ADARB2: variants seen among roughly 807,000 people sequenced by gnomAD.
ADARB2 encodes the protein inactive double-stranded RNA-specific editase B2.
A neutral mutation model predicts 62.2 loss-of-function variants in ADARB2; 25 were observed. That is an observed-to-expected ratio of 0.40 (90% confidence interval 0.29 to 0.56). ADARB2 has a LOEUF of 0.56. ADARB2 is among the 20% of genes least tolerant of loss of function. ADARB2 has a pLI of 0.43. For missense variants in ADARB2, 1,071 were observed against 1,077.4 expected, an observed-to-expected ratio of 0.99 and a Z score of 0.08; for synonymous variants, 572 against 500.8, an observed-to-expected ratio of 1.14 and a Z score of -1.90.
At chr10:1,436,489 A>T (rs771218985) in intron 1 of ADARB2, among the ~76,000 whole-genome samples, 3 of 152,200 alleles carry the variant, frequency 2.0e-5, no homozygotes, top group Non-Finnish European at 4.4e-5. Flanking sequence ...TAATGTTACC[A>T]TTGGAACTGG....
At chr10:1,527,321 C>T (rs902048136) in intron 1 of ADARB2, among the ~76,000 whole-genome samples, 1 of 152,172 alleles carries the variant, frequency 6.6e-6, no homozygotes, top group Admixed American at 6.5e-5. Flanking sequence ...ACATTCTCAT[C>T]CCCACATAGA....
intron 1 of ADARB2, among the ~76,000 whole-genome samples, chr10:1,715,698 AC>A (rs948613008): frequency 4.6e-5 from 7 of 152,332 alleles, no homozygotes; most frequent in African/African-American, 1.4e-4. Context: ...ATGCAAAAAA[AC>A]AAAAACAAAA....
chr10:1,323,706 A>G (rs994808421), intron 3 of ADARB2, among the ~76,000 whole-genome samples: 27 of 152,202 alleles, frequency 1.8e-4, no homozygotes, highest in African/African-American at 6.3e-4. Context: ...CTTAAAAAAA[A>G]AAGTAAACTG....
chr10:1,222,062 A>G (rs2131759561), intron 6 of ADARB2, among the ~76,000 whole-genome samples: 1 of 152,292 alleles, frequency 6.6e-6, no homozygotes, highest in East Asian at 1.9e-4. Context: ...ATTTCTCCAC[A>G]TCCTCTCCAG....
intron 1 of ADARB2, among the ~76,000 whole-genome samples, chr10:1,719,674 G>A (rs1473287625): frequency 2.6e-5 from 4 of 152,212 alleles, no homozygotes; most frequent in African/African-American, 9.6e-5. Flanking sequence ...GAATCTATAA[G>A]GAACCTAAAT....
chr10:1,696,886 T>C (rs549410073), intron 1 of ADARB2, among the ~76,000 whole-genome samples: 8 of 152,322 alleles, frequency 5.3e-5, no homozygotes, highest in African/African-American at 1.9e-4. Context: ...ACCTGCAGCC[T>C]ATGGGCCACA....
At chr10:1,310,865 T>C (rs546246006) in intron 3 of ADARB2, among the ~76,000 whole-genome samples, 1 of 152,206 alleles carries the variant, frequency 6.6e-6, no homozygotes, top group Non-Finnish European at 1.5e-5. Flanking sequence ...TAAAAATAAG[T>C]TGAGGTTAAA....
intron 1 of ADARB2, among the ~76,000 whole-genome samples, chr10:1,416,102 T>C (rs758746966): frequency 1.4e-4 from 21 of 152,238 alleles, no homozygotes; most frequent in Non-Finnish European, 2.8e-4. Flanking sequence ...TAAGTAGACA[T>C]TACTTCTTGT....
intron 1 of ADARB2, among the ~76,000 whole-genome samples, chr10:1,731,632 C>T (rs1287386880): frequency 6.6e-6 from 1 of 152,214 alleles, no homozygotes; most frequent in East Asian, 1.9e-4. Context: ...TAAGCAGCCT[C>T]TGTTTCTCTG....
chr10:1,557,628 G>T (rs185064345), intron 1 of ADARB2, among the ~76,000 whole-genome samples: 400 of 152,296 alleles, frequency 2.6e-3, no homozygotes, highest in Middle Eastern at 0.01. Context: ...TCCGGGCCGG[G>T]TGCAGTGGCT....
At chr10:1,574,888 G>A (rs1452897492) in intron 1 of ADARB2, among the ~76,000 whole-genome samples, 1 of 152,140 alleles carries the variant, frequency 6.6e-6, no homozygotes, top group Non-Finnish European at 1.5e-5. Context: ...AGAGTGGAGA[G>A]GAAAGAGGAT....
chr10:1,715,535 A>G (rs2119157166), intron 1 of ADARB2, among the ~76,000 whole-genome samples: 1 of 152,340 alleles, frequency 6.6e-6, no homozygotes, highest in Admixed American at 6.5e-5. Context: ...AAGCTTAAGT[A>G]TCCTGAAGCA....
At chr10:1,601,724 A>G (rs916016558) in intron 1 of ADARB2, among the ~76,000 whole-genome samples, 6 of 152,190 alleles carry the variant, frequency 3.9e-5, no homozygotes, top group African/African-American at 1.4e-4. Context: ...TGCTCCCCCG[A>G]AAGCCAGCAT....
At chr10:1,691,959 C>T (rs1588354308) in intron 1 of ADARB2, among the ~76,000 whole-genome samples, 1 of 152,108 alleles carries the variant, frequency 6.6e-6, no homozygotes, top group Non-Finnish European at 1.5e-5. Context: ...TAATGTCCAC[C>T]ATTTTAAAAA....
intron 1 of ADARB2, among the ~76,000 whole-genome samples, chr10:1,670,937 A>C (rs759673782): frequency 6.6e-6 from 1 of 152,232 alleles, no homozygotes; most frequent in Non-Finnish European, 1.5e-5. Flanking sequence ...CGCCACAGAC[A>C]AATGTGAATC....
In ADARB2 at chr10:1,736,853, G is replaced by A. The variant is rs117701408; in HGVS notation, c.100+198C>T. Among the ~76,000 whole-genome samples the A allele has an allele frequency of 1.2e-3, 184 of 152,296 alleles. 4 individuals carry two copies. In the East Asian group the frequency reaches 0.031, roughly 26 times the overall value. On this transcript the variant is annotated intron_variant, in intron 1 of 9. Coordinates refer to ENST00000381312, the MANE Select transcript of ADARB2 (RefSeq NM_018702.4). ...ACATGTCGCAGCGTGGCTGCTCACT[G>A]TCCCCTCTGGGCAAGAGGAGGCCCC...
intron 1 of ADARB2, among the ~76,000 whole-genome samples, chr10:1,577,008 G>A (rs1021425437): frequency 9.2e-5 from 14 of 152,180 alleles, no homozygotes; most frequent in Admixed American, 3.9e-4. Flanking sequence ...CTCAGCAGGT[G>A]CAGTGGTTGC....
chr10:1,645,247 G>A (rs189258442), intron 1 of ADARB2, among the ~76,000 whole-genome samples: 136 of 152,316 alleles, frequency 8.9e-4, no homozygotes, highest in Admixed American at 1.6e-3. Context: ...CATTGCTTAC[G>A]CATGCATGGC....
intron 1 of ADARB2, among the ~76,000 whole-genome samples, chr10:1,639,485 T>C (rs779830478): frequency 6.6e-6 from 1 of 152,238 alleles, no homozygotes; most frequent in Non-Finnish European, 1.5e-5. Flanking sequence ...ACGAGCAGCC[T>C]GATGATCACA....
Sources: gnomAD v4.1 joint callset for allele counts (sites outside exome capture counted in the v4.1 genomes callset) on GRCh38, gnomAD v4.1.1 for gene constraint, MANE v1.5 for transcripts, NCBI Gene and HGNC (gene_info 2026-07-23, HGNC 2026-07-21) for gene names.